The following DNAJB6 variants were observed in gnomAD, a reference collection of about 807,000 sequenced individuals.
DNAJB6 encodes DnaJ heat shock protein family (Hsp40) member B6, also known as dnaJ homolog subfamily B member 6.
Under a neutral mutation model 42.7 loss-of-function variants are expected in DNAJB6, and 16 were observed. The observed-to-expected ratio is 0.37, with a 90% CI of 0.25 to 0.57. The LOEUF (loss-of-function observed/expected upper bound fraction) is 0.57. DNAJB6 is among the 20% of genes least tolerant of loss of function. The pLI is 0.74. For missense variants in DNAJB6, 347 were observed against 416.8 expected, an observed-to-expected ratio of 0.83 and a Z score of 1.46; for synonymous variants, 170 against 163.5, an observed-to-expected ratio of 1.04 and a Z score of -0.30.
At chr7:157,397,255 C>T (rs1210044904) in intron 8 of DNAJB6, among the ~76,000 whole-genome samples, 1 of 152,222 alleles carries the variant, frequency 6.6e-6, no homozygotes, top group African/African-American at 2.4e-5. Context: ...TGGCCTCCAC[C>T]TCACGTAAGC....
At position 157,416,093 on chromosome 7, in the gene DNAJB6, C is replaced by A. The variant is rs1356759035; in HGVS notation, c.976C>A (p.His326Asn). The change falls in exon 10 of 10, where the codon CAC becomes AAC. Residue 326 changes from histidine to asparagine, a missense_variant. This residue lies in a region of DNAJB6 where 264 missense variants were observed against 288.0 expected (regional missense o/e 0.92). Coordinates refer to ENST00000262177, the MANE Select transcript of DNAJB6 (RefSeq NM_058246.4). ...GAAGAAGAAGTCGACCAAAGGCAAT[C>A]ACTAGACCGGACTTGAGGCACGCGG... ...SKKKKSTKGNH is the reference protein window; with the variant it reads ...SKKKKSTKGNN 2 of 1,613,446 alleles carry A rather than the reference C, an allele frequency of 1.2e-6. No homozygotes were observed. The highest frequency in any genetic ancestry group is 1.3e-5 in the African/African-American group (1 of 74,914).
chr7:157,363,338 C>T, intron 3 of DNAJB6, 68 bp downstream of exon 3: 3 of 1,061,814 alleles, frequency 2.8e-6, no homozygotes, highest in Non-Finnish European at 4.3e-6. Context: ...GTGTTGGGAT[C>T]CTCCTCAGGG....
intron 1 of DNAJB6, among the ~76,000 whole-genome samples, chr7:157,343,565 A>G (rs183866662): frequency 5.3e-5 from 8 of 152,116 alleles, no homozygotes; most frequent in South Asian, 2.1e-4. Context: ...CCCGGGTTCA[A>G]GCAGTTCTCC....
At chr7:157,390,709 C>G (rs1166861047) in intron 8 of DNAJB6, among the ~76,000 whole-genome samples, 1 of 152,196 alleles carries the variant, frequency 6.6e-6, no homozygotes, top group South Asian at 2.1e-4. Context: ...CCTCTGCCTT[C>G]CCACAGCTGC....
intron 4 of DNAJB6, among the ~76,000 whole-genome samples, chr7:157,366,791 C>T (rs1191682436): frequency 1.3e-5 from 2 of 152,206 alleles, no homozygotes; most frequent in Non-Finnish European, 2.9e-5. Flanking sequence ...AATTTGTAAC[C>T]ATACTGCAAT....
At chr7:157,382,092 C>T (rs185898262) in intron 5 of DNAJB6, 154 bp from the exon 6 acceptor site, 1 of 677,038 alleles carries the variant, frequency 1.5e-6, no homozygotes, top group East Asian at 3.3e-5. Context: ...GGTAGTGTTT[C>T]AGTTACTCTG....
chr7:157,359,729 G>T (rs141293472), intron 2 of DNAJB6, among the ~76,000 whole-genome samples: 274 of 152,358 alleles, frequency 1.8e-3, no homozygotes, highest in Non-Finnish European at 3.4e-3. Context: ...TGAGGCAGGA[G>T]AATTGCTTGA....
At chr7:157,383,138 C>T (rs551698188) in intron 6 of DNAJB6, among the ~76,000 whole-genome samples, 1 of 152,276 alleles carries the variant, frequency 6.6e-6, no homozygotes, top group Admixed American at 6.5e-5. Context: ...TCCTGAGTAG[C>T]TGGGATCACA....
At chr7:157,404,382 C>T (rs946828881) in intron 8 of DNAJB6, among the ~76,000 whole-genome samples, 3 of 151,946 alleles carry the variant, frequency 2.0e-5, no homozygotes, top group Non-Finnish European at 2.9e-5. Flanking sequence ...CCTTGAACCC[C>T]CTCGGCTCAA....
At chr7:157,408,268 C>A (rs963176364) in intron 8 of DNAJB6, among the ~76,000 whole-genome samples, 1 of 152,148 alleles carries the variant, frequency 6.6e-6, no homozygotes, top group African/African-American at 2.4e-5. Context: ...CCTGCGTTTA[C>A]GGTGCTTGGT....
intron 2 of DNAJB6, among the ~76,000 whole-genome samples, 162 bp downstream of exon 2, chr7:157,358,799 A>G (rs574248371): frequency 1.3e-5 from 2 of 152,224 alleles, no homozygotes; most frequent in African/African-American, 2.4e-5. Flanking sequence ...GAGCATTTGC[A>G]GTCTAGGCCT....
At chr7:157,355,031 C>G (rs1423344525) in intron 1 of DNAJB6, among the ~76,000 whole-genome samples, 1 of 152,164 alleles carries the variant, frequency 6.6e-6, no homozygotes, top group Middle Eastern at 3.2e-3. Flanking sequence ...GAGGCCTGAG[C>G]TTGGAGCTTA....
At chr7:157,372,757 A>T (rs750874097) in intron 5 of DNAJB6, among the ~76,000 whole-genome samples, 7 of 152,062 alleles carry the variant, frequency 4.6e-5, no homozygotes, top group Non-Finnish European at 8.8e-5. Context: ...AAAATGTACC[A>T]TCTCCCAGTC....
chr7:157,359,680 G>A (rs1345594003), intron 2 of DNAJB6, among the ~76,000 whole-genome samples: 2 of 152,164 alleles, frequency 1.3e-5, no homozygotes, highest in Non-Finnish European at 2.9e-5. Context: ...ATAGTTGGGT[G>A]TGGTGGCACA....
At chr7:157,363,046 T>C in intron 2 of DNAJB6, 115 bp from the exon 3 acceptor site, 1 of 636,736 alleles carries the variant, frequency 1.6e-6, no homozygotes, top group Non-Finnish European at 2.8e-6. Flanking sequence ...AAAACCAGTA[T>C]TCATCTCACC....
At chr7:157,341,000 G>GCC (rs1554450164) in intron 1 of DNAJB6, among the ~76,000 whole-genome samples, 2,331 of 147,560 alleles carry the variant, frequency 0.016, 61 homozygotes, top group African/African-American at 0.058. Flanking sequence ...GTGTGTGTGC[G>GCC]CGCGCGCAGG....
At chr7:157,394,468 A>G (rs181655207) in intron 8 of DNAJB6, among the ~76,000 whole-genome samples, 4 of 151,784 alleles carry the variant, frequency 2.6e-5, no homozygotes, top group Admixed American at 2.6e-4. Context: ...GGTCGAGGCT[A>G]CAGTGAGTCG....
At chr7:157,369,610 CTTCTTAACATTGTTATTAAAGAGGCCCT>C (rs1348242495) in intron 5 of DNAJB6, 17 of 305,708 alleles carry the variant, frequency 5.6e-5, no homozygotes, top group African/African-American at 3.5e-4. Context: ...AAATAGGCCC[CTTCTTAACATTGTTATTAAAGAGGCCCT>C]TTCTTCACAT....
chr7:157,345,968 G>C (rs1798662331), intron 1 of DNAJB6, among the ~76,000 whole-genome samples: 1 of 152,048 alleles, frequency 6.6e-6, no homozygotes, highest in Non-Finnish European at 1.5e-5. Flanking sequence ...TAGGGTGGAG[G>C]GCTGGAGTCC....
Sources: gnomAD v4.1 joint callset for allele counts (sites outside exome capture counted in the v4.1 genomes callset) on GRCh38, gnomAD v4.1.1 for gene constraint, gnomAD v4.1.1 regional missense constraint, MANE v1.5 for transcripts, NCBI Gene and HGNC (gene_info 2026-07-23, HGNC 2026-07-21) for gene names.